PSMD4: variants seen among roughly 807,000 people sequenced by gnomAD.
PSMD4 encodes 26S proteasome non-ATPase regulatory subunit 4.
A neutral mutation model predicts 39.7 loss-of-function variants in PSMD4; 5 were observed. The observed-to-expected ratio is 0.13, with a 90% CI of 0.07 to 0.26. The LOEUF (loss-of-function observed/expected upper bound fraction) is 0.26, where lower values mean the gene tolerates loss of function less well. Ranked by LOEUF, PSMD4 falls within the 10% of genes least tolerant of loss-of-function variation. PSMD4 has a pLI of 1.00. For missense variants in PSMD4, 272 were observed against 486.1 expected (o/e 0.56, Z 4.14); for synonymous variants, 143 against 174.6 (o/e 0.82, Z 1.43).
chr1:151,265,712 A>G (rs1693419772), intron 6 of PSMD4, 103 bp downstream of exon 6: 1 of 1,257,188 alleles, frequency 8.0e-7, no homozygotes, highest in Non-Finnish European at 1.1e-6. Context: ...CCTAGACACT[A>G]CCAATCACTC....
chr1:151,255,398 G>T (rs1480458334), intron 1 of PSMD4, among the ~76,000 whole-genome samples: 1 of 152,164 alleles, frequency 6.6e-6, no homozygotes, highest in Non-Finnish European at 1.5e-5. Flanking sequence ...AAATCATACA[G>T]CTAGTTAAGT....
At chr1:151,259,802 A>T (rs1269115429) in intron 1 of PSMD4, among the ~76,000 whole-genome samples, 1 of 152,094 alleles carries the variant, frequency 6.6e-6, no homozygotes, top group Non-Finnish European at 1.5e-5. Flanking sequence ...GCTGTTCTCC[A>T]ACTCCTGGGC....
intron 3 of PSMD4, 64 bp downstream of exon 3, chr1:151,264,092 C>T (rs2101839768): frequency 8.8e-6 from 11 of 1,248,064 alleles, no homozygotes; most frequent in African/African-American, 1.5e-5. Context: ...CCATCATACT[C>T]ATTTCTCCCC....
chr1:151,256,355 A>T (rs1275500663), intron 1 of PSMD4, among the ~76,000 whole-genome samples: 2 of 72,034 alleles, frequency 2.8e-5, no homozygotes, highest in Non-Finnish European at 5.9e-5. Context: ...AAAAAAAAAA[A>T]ATAATAATAA....
At position 151,263,965 on chromosome 1, in the gene PSMD4, C is replaced by T; in HGVS notation, c.219C>T (p.Ser73=). 5 of 1,604,450 alleles carry T rather than the reference C, an allele frequency of 3.1e-6. No homozygotes were observed. The highest frequency in any genetic ancestry group is 4.3e-6 in the Non-Finnish European group (5 of 1,175,546). The change falls in exon 3 of 10, where the codon TCC becomes TCT. Residue 73 remains serine (S), a synonymous_variant. Coordinates refer to ENST00000368884, the MANE Select transcript of PSMD4 (RefSeq NM_002810.4). ...TLTPDTGRIL[S]KLHTVQPKGK... ...CCCCAGACACTGGCCGTATCCTGTC[C>T]AAGCTACATACTGTCCAACCCAAGG...
intron 9 of PSMD4, 194 bp from the exon 10 acceptor site, chr1:151,266,979 G>C: frequency 1.3e-6 from 1 of 746,346 alleles, no homozygotes. Context: ...CCTCTATTTG[G>C]TTAGTAATAA....
rs1571070768 is a variant in PSMD4, at chr1:151,263,935, A to C, written c.189A>C (p.Thr63=). The C allele has an allele frequency of 8.2e-6, 13 of 1,590,312 alleles. No homozygotes were observed. The highest frequency in any genetic ancestry group is 1.1e-5 in the Non-Finnish European group (13 of 1,168,668). ...TLANDCEVLT[T]LTPDTGRILS... ...CCAGTGACTGTGAAGTGCTGACCAC[A>C]CTCACCCCAGACACTGGCCGTATCC... Residue 63 remains threonine, a synonymous_variant, in exon 3 of 10, where the codon ACA becomes ACC. Transcript: ENST00000368884.
intron 1 of PSMD4, among the ~76,000 whole-genome samples, chr1:151,256,341 CT>C (rs1321147872): frequency 1.6e-5 from 1 of 61,666 alleles, no homozygotes; most frequent in African/African-American, 6.2e-5. Flanking sequence ...GAGACTCCCT[CT>C]CAAAAAAAAA....
At chr1:151,257,715 CTTTTTTTTTT>C (rs71090149) in intron 1 of PSMD4, among the ~76,000 whole-genome samples, 2 of 88,718 alleles carry the variant, frequency 2.3e-5, no homozygotes, top group South Asian at 4.3e-4. Context: ...ACCTGGCTTT[CTTTTTTTTTT>C]TTTTTTTTTT....
At chr1:151,256,809 C>T (rs1369307345) in intron 1 of PSMD4, among the ~76,000 whole-genome samples, 2 of 147,014 alleles carry the variant, frequency 1.4e-5, no homozygotes, top group East Asian at 4.1e-4. Context: ...CTCAGCTCCC[C>T]GCAACCTTCG....
intron 6 of PSMD4, 92 bp downstream of exon 6, chr1:151,265,701 T>C: frequency 7.5e-7 from 1 of 1,327,396 alleles, no homozygotes; most frequent in Non-Finnish European, 1.1e-6. Flanking sequence ...GGCTGGATAG[T>C]CCTAGACACT....
At chr1:151,260,436 C>T (rs1201953650) in intron 1 of PSMD4, among the ~76,000 whole-genome samples, 1 of 152,192 alleles carries the variant, frequency 6.6e-6, no homozygotes, top group East Asian at 1.9e-4. Flanking sequence ...TTGCAGGGAT[C>T]TAAGAGGTGA....
chr1:151,256,761 TC>T (rs1693184003), intron 1 of PSMD4, among the ~76,000 whole-genome samples: 1 of 149,096 alleles, frequency 6.7e-6, no homozygotes, highest in Admixed American at 6.7e-5. Context: ...TTTTTTTTTT[TC>T]GCTCTTATTG....
chr1:151,263,832 A>G (rs1693369843), intron 2 of PSMD4, 82 bp from the exon 3 acceptor site: 1 of 1,015,730 alleles, frequency 9.8e-7, no homozygotes, highest in South Asian at 1.6e-5. Flanking sequence ...TCCGTCTAAA[A>G]AATAAATAAA....
chr1:151,256,130 G>A (rs1257045436), intron 1 of PSMD4, among the ~76,000 whole-genome samples: 2 of 151,578 alleles, frequency 1.3e-5, no homozygotes, highest in African/African-American at 4.8e-5. Flanking sequence ...TATCACCTGA[G>A]GTCAGGAGTT....
At chr1:151,257,934 C>A (rs1693215608) in intron 1 of PSMD4, among the ~76,000 whole-genome samples, 2 of 151,820 alleles carry the variant, frequency 1.3e-5, no homozygotes, top group Non-Finnish European at 2.9e-5. Context: ...TTGTTTATAT[C>A]TTCTTTGATT....
chr1:151,263,966 A>C lies in PSMD4; in HGVS notation c.220A>C (p.Lys74Gln). The change falls in exon 3 of 10, where the codon AAG becomes CAG. Residue 74 changes from lysine (K) to glutamine (Q), a missense_variant. Transcript: ENST00000368884. ...CCCAGACACTGGCCGTATCCTGTCC[A>C]AGCTACATACTGTCCAACCCAAGGG... The part of the protein sequence containing the change: ...LTPDTGRILS[K>Q]LHTVQPKGKI... 1 of 1,604,866 alleles carries C rather than the reference A, an allele frequency of 6.2e-7. No homozygotes were observed. Among genetic ancestry groups the C allele is most frequent in the Non-Finnish European group, 8.5e-7 (1 of 1,175,738 alleles).
At chr1:151,264,166 T>A (rs1693376786) in intron 3 of PSMD4, 138 bp downstream of exon 3, 2 of 635,062 alleles carry the variant, frequency 3.1e-6, no homozygotes, top group East Asian at 2.9e-5. Flanking sequence ...ATATGGGGGA[T>A]GAATCCCAGG....
At chr1:151,265,644 G>A in intron 6 of PSMD4, 35 bp downstream of exon 6, 1 of 1,591,682 alleles carries the variant, frequency 6.3e-7, no homozygotes, top group African/African-American at 1.3e-5. Flanking sequence ...GAGTCCAAAG[G>A]TCCCTCTTTG....
Sources: allele counts gnomAD v4.1 joint callset (sites outside exome capture counted in the v4.1 genomes callset), GRCh38; gene constraint gnomAD v4.1.1; transcripts MANE v1.5; gene names NCBI Gene and HGNC (gene_info 2026-07-23, HGNC 2026-07-21).